The following ERCC6L2 variants were observed in gnomAD, a reference collection of about 807,000 sequenced individuals.
ERCC6L2 encodes the protein DNA excision repair protein ERCC-6-like 2.
Under a neutral mutation model 132.0 loss-of-function variants are expected in ERCC6L2, and 77 were observed. The ratio of observed to expected loss-of-function variants is 0.58; its 90% CI spans 0.49 to 0.71. The LOEUF (loss-of-function observed/expected upper bound fraction) is 0.71. ERCC6L2 is among the 30% of genes least tolerant of loss of function. The pLI is 0.00. For synonymous variants in ERCC6L2, 583 were observed against 632.4 expected (o/e 0.92, Z 1.17); for missense variants, 1,542 against 1,837.6 (o/e 0.84, Z 2.94).
intron 19 of ERCC6L2, chr9:96,038,857 G>A (rs987782045): frequency 4.4e-6 from 2 of 456,190 alleles, no homozygotes; most frequent in Admixed American, 2.3e-5. Context: ...CAGTAACAAT[G>A]TGTGACTTCT....
At position 95,971,029 on chromosome 9, in the gene ERCC6L2, C is replaced by A. The variant is rs187264179; in HGVS notation, c.2181+373C>A. Among the ~76,000 whole-genome samples, 331 of 152,228 alleles carry A rather than the reference C, an allele frequency of 2.2e-3. 1 individual carries two copies. The highest frequency in any genetic ancestry group is 3.5e-3 in the Non-Finnish European group (237 of 67,990). On this transcript the variant is annotated intron_variant, in intron 15 of 18. Coordinates refer to ENST00000653738, the MANE Select transcript of ERCC6L2 (RefSeq NM_020207.7). ...ATTGAACCCAAATATCAAAATTATT[C>A]TCTAACCTGAAAGTAGATATTTGAT...
chr9:96,039,042 C>A, exon 20 of ERCC6L2: 1 of 419,136 alleles, frequency 2.4e-6, no homozygotes, highest in South Asian at 1.7e-5. Context: ...CCAACACACG[C>A]AGATGATCAT....
At chr9:95,892,763 T>C (rs1324810819) in intron 2 of ERCC6L2, among the ~76,000 whole-genome samples, 1 of 152,212 alleles carries the variant, frequency 6.6e-6, no homozygotes, top group East Asian at 1.9e-4. Flanking sequence ...TTTACCTTCA[T>C]ATATTTTGAA....
At chr9:95,935,062 T>C (rs1830497399) in intron 11 of ERCC6L2, among the ~76,000 whole-genome samples, 1 of 152,214 alleles carries the variant, frequency 6.6e-6, no homozygotes, top group South Asian at 2.1e-4. Context: ...AATATCTTCA[T>C]GGACCCTTAA....
At chr9:95,931,618 C>T (rs994908628) in intron 11 of ERCC6L2, among the ~76,000 whole-genome samples, 1 of 152,148 alleles carries the variant, frequency 6.6e-6, no homozygotes, top group African/African-American at 2.4e-5. Flanking sequence ...AATTGAAAAT[C>T]ATTTCCTCTT....
chr9:96,021,103 C>A, downstream of ERCC6L2: 1 of 426,622 alleles, frequency 2.3e-6, no homozygotes, highest in Non-Finnish European at 4.7e-6. The surrounding 1 kb of genome is among the most constrained non-coding windows in gnomAD (Gnocchi z 4.7). Flanking sequence ...CTTTCCCCCT[C>A]GCGCCCATTA....
chr9:95,978,400 A>G (rs1225997422), intron 17 of ERCC6L2, among the ~76,000 whole-genome samples, 185 bp downstream of exon 17: 1 of 152,240 alleles, frequency 6.6e-6, no homozygotes, highest in African/African-American at 2.4e-5. Flanking sequence ...AGATTAAACA[A>G]CAAATTTATA....
chr9:95,954,213 C>T (rs1218615478), intron 12 of ERCC6L2, among the ~76,000 whole-genome samples: 4 of 152,210 alleles, frequency 2.6e-5, no homozygotes, highest in African/African-American at 7.2e-5. Flanking sequence ...ATCAGCCTCT[C>T]TCCACAGACA....
chr9:95,971,786 A>G (rs944542606), intron 15 of ERCC6L2, 147 bp from the exon 16 acceptor site: 14 of 305,086 alleles, frequency 4.6e-5, no homozygotes, highest in African/African-American at 2.8e-4. Context: ...TAAATCCTTA[A>G]CATTTGTTTA....
intron 18 of ERCC6L2, among the ~76,000 whole-genome samples, chr9:96,011,445 G>A (rs889561996): frequency 4.6e-5 from 7 of 152,002 alleles, no homozygotes; most frequent in African/African-American, 1.7e-4. Context: ...GCATGATTTG[G>A]GGGAGGGGCA....
At chr9:96,037,231 G>A (rs972187010) in intron 19 of ERCC6L2, among the ~76,000 whole-genome samples, 43 of 152,318 alleles carry the variant, frequency 2.8e-4, no homozygotes, top group African/African-American at 1.4e-4. Flanking sequence ...GGCAGTGCCC[G>A]TCCCTGTGCG....
chr9:95,967,901 C>T (rs1383872225), intron 14 of ERCC6L2: 1 of 152,052 alleles, frequency 6.6e-6, no homozygotes, highest in East Asian at 1.9e-4. Flanking sequence ...CTTGACATGC[C>T]TATATTGATG....
rs1829957857 is a variant in ERCC6L2, at chr9:95,923,287, C to G, written c.1441C>G (p.Gln481Glu). Reference sequence around the variant, plus strand: ...AACACTTATCAAAAGGATATGTGATCAGGTATTTTCCAGATTCCCAGATTT... The same window carrying G: ...AACACTTATCAAAAGGATATGTGATGAGGTATTTTCCAGATTCCCAGATTT... The part of the protein sequence containing the change: ...QETLIKRICD[Q>E]VFSRFPDFVQ... The change falls in exon 9 of 19, where the codon CAG becomes GAG. Residue 481 changes from glutamine to glutamate, a missense_variant. Gln to Glu is a conservative substitution (Grantham distance 29). Coordinates refer to ENST00000653738, the MANE Select transcript of ERCC6L2 (RefSeq NM_020207.7). The G allele has an allele frequency of 6.2e-7, 1 of 1,613,530 alleles. No individual in the cohort carries two copies. Among genetic ancestry groups the G allele is most frequent in the South Asian group, 1.1e-5 (1 of 91,032 alleles).
chr9:95,976,517 G>C (rs17396240), intron 16 of ERCC6L2, among the ~76,000 whole-genome samples: 13,306 of 152,234 alleles, frequency 0.087, 665 homozygotes, highest in Admixed American at 0.14. Context: ...GGGGTCTCCT[G>C]TTCTTAGGTC....
rs1229432594 is a variant in ERCC6L2 at position 95,875,715 on chromosome 9, G to A, written c.-324G>A. On this transcript the variant is annotated 5_prime_UTR_variant, in exon 1 of 19. Coordinates refer to ENST00000653738, the MANE Select transcript of ERCC6L2 (RefSeq NM_020207.7). ...CAGAGCCTAGGAAGATTTGGGGGTC[G>A]CCTTGCCGGCCTCCTGTCCTCCTCC... The A allele has an allele frequency of 4.8e-6, 2 of 413,716 alleles. No homozygotes were observed. Among genetic ancestry groups the A allele is most frequent in the Non-Finnish European group, 8.8e-6 (2 of 227,306 alleles). The allele number at this position is 413,716 out of a possible 1,614,324, so 25.6% of individuals were successfully genotyped here.
At chr9:96,023,377 C>A (rs1738439155), downstream of ERCC6L2, among the ~76,000 whole-genome samples, 1 of 151,980 alleles carries the variant, frequency 6.6e-6, no homozygotes, top group African/African-American at 2.4e-5. Flanking sequence ...ATGTTTAATT[C>A]ATCTGTCTCT....
chr9:96,012,410 A>G lies in ERCC6L2; in HGVS notation c.3860A>G (p.Glu1287Gly). ...SVSQFNNSSF[E>G]KGEQRTRKKS... is the part of the protein sequence containing the mutation. ...TCACAATTCAACAATTCTTCCTTTG[A>G]GAAAGGAGAGCAGCGCACCCGGAAG... The change falls in exon 19 of 19, where the codon GAG (glutamate) becomes GGG (glycine). Residue 1287 changes from glutamate (E) to glycine (G), a missense_variant. Physicochemically the swap from Glu to Gly is moderately conservative, Grantham distance 98. Transcript: ENST00000653738. 1 of 1,362,022 alleles carries G rather than the reference A, an allele frequency of 7.3e-7. No homozygotes were observed. Among genetic ancestry groups the G allele is most frequent in the Non-Finnish European group, 9.8e-7 (1 of 1,017,540 alleles). The allele number at this position is 1,362,022 out of a possible 1,614,324, so 84.4% of individuals were successfully genotyped here. A position where few individuals can be genotyped will look rare whatever the true frequency, so the allele number is the denominator to read the frequency against.
Position 95,922,348 on chromosome 9 carries a change from A to C in ERCC6L2, c.1343A>C (p.Tyr448Ser), listed in dbSNP as rs772629857. Residue 448 changes from tyrosine (Y) to serine (S), a missense_variant, in exon 8 of 19, where the codon TAC becomes TCC. Physicochemically the swap from Tyr to Ser is moderately radical, Grantham distance 144. Transcript: ENST00000653738. ...ACAGTGAAAACCTTGTATCTCAGTT[A>C]CCTTACAGTCCTTCAGAAGGTAGCT... Reference protein sequence around the residue: ...GETVKTLYLSYLTVLQKVANH... With the variant: ...GETVKTLYLSSLTVLQKVANH... 1 of 1,613,370 alleles carries C rather than the reference A, an allele frequency of 6.2e-7. No homozygotes were observed. The highest frequency in any genetic ancestry group is 8.5e-7 in the Non-Finnish European group (1 of 1,179,512).
At chr9:96,007,588 C>T (rs1479096232) in intron 18 of ERCC6L2, among the ~76,000 whole-genome samples, 1 of 152,132 alleles carries the variant, frequency 6.6e-6, no homozygotes, top group African/African-American at 2.4e-5. Context: ...AAGCACTAAC[C>T]CTGAGGTTGG....
Sources: allele counts gnomAD v4.1 joint callset (sites outside exome capture counted in the v4.1 genomes callset), GRCh38; gene constraint gnomAD v4.1.1; non-coding constraint Gnocchi (gnomAD v3.1); transcripts MANE v1.5; gene names NCBI Gene and HGNC (gene_info 2026-07-23, HGNC 2026-07-21).